The following FAHD2B variants were observed in gnomAD, a reference collection of about 807,000 sequenced individuals.
FAHD2B encodes the protein oxaloacetate tautomerase FAHD2B, mitochondrial.
Under a neutral mutation model 33.7 loss-of-function variants are expected in FAHD2B, and 26 were observed. The ratio of observed to expected loss-of-function variants is 0.77; its 90% confidence interval spans 0.57 to 1.07. FAHD2B has a LOEUF of 1.07. FAHD2B is among the 50% of genes least tolerant of loss of function. FAHD2B has a pLI of 0.00. For synonymous variants in FAHD2B, 108 were observed against 150.9 expected (o/e 0.72, Z 2.08); for missense variants, 272 against 388.1 (o/e 0.70, Z 2.51).
At chr2:97,086,269 G>A (rs2031984048) in intron 4 of FAHD2B, 71 bp from the exon 5 acceptor site, 5 of 1,573,312 alleles carry the variant, frequency 3.2e-6, no homozygotes, top group Admixed American at 1.8e-5. Context: ...GAGGCTGTAC[G>A]CCATGGATCT....
chr2:97,082,659 C>T (rs1414536275), downstream of FAHD2B: 4 of 1,556,840 alleles, frequency 2.6e-6, no homozygotes, highest in Non-Finnish European at 3.5e-6. Context: ...CCAGTGGCTC[C>T]CTGTCCTCCC....
At chr2:97,084,346 A>C (rs1362061078) in intron 6 of FAHD2B, 69 bp from the exon 7 acceptor site, 1 of 1,586,140 alleles carries the variant, frequency 6.3e-7, no homozygotes, top group Non-Finnish European at 8.6e-7. Flanking sequence ...TTTTACAAAC[A>C]CAACTGTAGG....
downstream of FAHD2B, chr2:97,082,794 T>C: frequency 7.4e-7 from 1 of 1,358,478 alleles, no homozygotes; most frequent in Non-Finnish European, 1.1e-6. Flanking sequence ...TCTGTCCCCC[T>C]GCTCCCACCC....
At chr2:97,078,798 T>C (rs1293155641), downstream of FAHD2B, among the ~76,000 whole-genome samples, 2 of 152,106 alleles carry the variant, frequency 1.3e-5, no homozygotes, top group Non-Finnish European at 2.9e-5. Flanking sequence ...GTGCAGGATG[T>C]GCAGGTTTGT....
chr2:97,080,517 G>A (rs2031605161), downstream of FAHD2B, among the ~76,000 whole-genome samples: 1 of 152,008 alleles, frequency 6.6e-6, no homozygotes, highest in Admixed American at 6.6e-5. Context: ...AAGTTGAAGA[G>A]CATGATGCCT....
chr2:97,081,283 G>A (rs1033563516), downstream of FAHD2B: 151 of 1,475,650 alleles, frequency 1.0e-4, 1 homozygote, highest in Admixed American at 1.0e-3. Context: ...TTGGTCCTAG[G>A]CCTTCCCCTC....
At chr2:97,081,979 C>A, downstream of FAHD2B, 5 of 1,349,738 alleles carry the variant, frequency 3.7e-6, no homozygotes, top group Non-Finnish European at 5.2e-6. Flanking sequence ...TGTCAGAGAA[C>A]AATGGCTCCG....
At chr2:97,082,101 C>A, downstream of FAHD2B, 1 of 1,582,098 alleles carries the variant, frequency 6.3e-7, no homozygotes, top group South Asian at 1.1e-5. Flanking sequence ...AGACCGAGGG[C>A]CAGTACTCCA....
At chr2:97,089,064 A>C (rs567805467) in intron 4 of FAHD2B, among the ~76,000 whole-genome samples, 2 of 152,036 alleles carry the variant, frequency 1.3e-5, no homozygotes, top group South Asian at 4.2e-4. Flanking sequence ...TAAAATAAAA[A>C]TTTGCGAGGA....
downstream of FAHD2B, chr2:97,081,482 G>C (rs1237810244): frequency 1.3e-6 from 2 of 1,583,694 alleles, no homozygotes; most frequent in Non-Finnish European, 8.6e-7. Flanking sequence ...TGCTGGACAG[G>C]CTCATCCAAT....
chr2:97,086,451 G>A (rs2031997829), intron 4 of FAHD2B: 4 of 529,276 alleles, frequency 7.6e-6, no homozygotes, highest in Admixed American at 6.5e-5. Flanking sequence ...AGAGCAACAC[G>A]TGTCCAGGGC....
At chr2:97,081,541 T>A, downstream of FAHD2B, 5 of 1,541,048 alleles carry the variant, frequency 3.2e-6, no homozygotes, top group Non-Finnish European at 4.4e-6. Context: ...GGAGACAAGA[T>A]CCTTGCCTGG....
At chr2:97,086,948 T>C (rs1303731385) in intron 4 of FAHD2B, 1 of 152,098 alleles carries the variant, frequency 6.6e-6, no homozygotes. Flanking sequence ...ATTGGCCAAA[T>C]TGAGGTCACC....
intron 8 of FAHD2B, 62 bp from the exon 9 acceptor site, chr2:97,083,879 C>T: frequency 6.2e-7 from 1 of 1,614,092 alleles, no homozygotes; most frequent in South Asian, 1.1e-5. Flanking sequence ...CAAGCCTGTA[C>T]TTCTCAAGTC....
chr2:97,083,090 G>A (rs116233066), downstream of FAHD2B: 383 of 1,490,980 alleles, frequency 2.6e-4, 2 homozygotes, highest in African/African-American at 4.8e-3. Flanking sequence ...CCTGAGCCAT[G>A]CAGACACAGT....
intron 6 of FAHD2B, 53 bp from the exon 7 acceptor site, chr2:97,084,330 CCA>C (rs2031815225): frequency 1.2e-6 from 2 of 1,605,000 alleles, no homozygotes; most frequent in East Asian, 4.5e-5. Context: ...CTCAAACCCC[CCA>C]GTGTTTTACA....
intron 4 of FAHD2B, among the ~76,000 whole-genome samples, chr2:97,088,953 A>AGAGAAAGC (rs2032167893): frequency 6.6e-6 from 1 of 152,116 alleles, no homozygotes; most frequent in Non-Finnish European, 1.5e-5. Flanking sequence ...AGGGCAAGGG[A>AGAGAAAGC]GAGAAAGCAA....
intron 1 of FAHD2B, among the ~76,000 whole-genome samples, chr2:97,092,933 AC>A (rs1369593132): frequency 6.8e-6 from 1 of 147,238 alleles, no homozygotes; most frequent in African/African-American, 2.5e-5. Flanking sequence ...AGAACATGCC[AC>A]ATCCCTCCAG....
chr2:97,091,559 C>T lies in FAHD2B; in HGVS notation c.148G>A (p.Gly50Arg), dbSNP rs201521399. 5.1e-3 allele frequency: 8,268 copies of T among 1,610,596 alleles called. 58 individuals are homozygous for T. The highest frequency in any genetic ancestry group is 0.018 in the Middle Eastern group (106 of 6,030). Reference sequence around the variant, plus strand: ...AAGGCATTGAGGTTGATAACCCCTCCACCATTCCCTGTCTCCAGGCCCAAG... The same window carrying T: ...AAGGCATTGAGGTTGATAACCCCTCTACCATTCCCTGTCTCCAGGCCCAAG... ...PHLGLETGNG[G>R]GVINLNAFDP... Residue 50 changes from glycine (G) to arginine (R), a missense_variant, in exon 3 of 9, where the codon GGA becomes AGA. By Grantham distance (125) the Gly-to-Arg change is moderately radical (BLOSUM62 -2). Transcript: ENST00000414820.
Sources: allele counts gnomAD v4.1 joint callset (sites outside exome capture counted in the v4.1 genomes callset), GRCh38; gene constraint gnomAD v4.1.1; transcripts MANE v1.5; gene names NCBI Gene and HGNC (gene_info 2026-07-23, HGNC 2026-07-21).